KCNMA1: variants seen among roughly 807,000 people sequenced by gnomAD.
KCNMA1 encodes potassium calcium-activated channel subfamily M alpha 1.
Under a neutral mutation model 140.0 loss-of-function variants are expected in KCNMA1, and 29 were observed. The ratio of observed to expected loss-of-function variants is 0.21; its 90% CI spans 0.15 to 0.28. The LOEUF is 0.28. KCNMA1 is among the 10% of genes least tolerant of loss of function. The probability of loss-of-function intolerance (pLI) is 1.00; values close to 1 mark genes in which losing one functional copy is unlikely to be tolerated. For missense variants in KCNMA1, 880 were observed against 1,602.2 expected, an observed-to-expected ratio of 0.55 and a Z score of 7.70; for synonymous variants, 612 against 611.9, an observed-to-expected ratio of 1.00 and a Z score of 0.00.
chr10:76,909,611 T>G (rs1005583058), intron 25 of KCNMA1, among the ~76,000 whole-genome samples: 2 of 152,170 alleles, frequency 1.3e-5, no homozygotes, highest in South Asian at 2.1e-4. Context: ...GCATTTGCTT[T>G]CTTTCTTCTT....
Position 77,196,478 on chromosome 10 carries a change from C to T in KCNMA1, c.603-11562G>A, listed in dbSNP as rs892912780. On this transcript the variant is annotated intron_variant, in intron 3 of 27. Coordinates refer to ENST00000286628, the MANE Select transcript of KCNMA1 (RefSeq NM_001161352.2). ...TTACATTTAAGCTCCTTTCAAAAAG[C>T]GAAATGCTCCCATTCAAAGGATCTT... Among the ~76,000 whole-genome samples, 4 of 152,194 alleles carry T rather than the reference C, an allele frequency of 2.6e-5. No homozygotes were observed. In the East Asian group the frequency reaches 7.7e-4, roughly 29 times the overall value.
chr10:77,148,238 C>A (rs1244814230), intron 5 of KCNMA1: 1 of 152,172 alleles, frequency 6.6e-6, no homozygotes, highest in African/African-American at 2.4e-5. Flanking sequence ...CCTATAAAGC[C>A]AATTCAGAGA....
downstream of KCNMA1, chr10:76,873,115 G>C (rs1419722776): frequency 6.6e-6 from 1 of 152,032 alleles, no homozygotes; most frequent in Non-Finnish European, 1.5e-5. Context: ...GAGCATGTAG[G>C]CTTCTTTTTA....
intron 2 of KCNMA1, among the ~76,000 whole-genome samples, chr10:77,323,599 A>G (rs1328417439): frequency 6.6e-6 from 1 of 152,232 alleles, no homozygotes; most frequent in African/African-American, 2.4e-5. Flanking sequence ...GGTTCACCAC[A>G]TACCTATTGA....
At chr10:77,499,285 G>A (rs2042960710) in intron 1 of KCNMA1, among the ~76,000 whole-genome samples, 1 of 152,000 alleles carries the variant, frequency 6.6e-6, no homozygotes, top group South Asian at 2.1e-4. Flanking sequence ...AAAGATGACA[G>A]ATATAGAGGA....
At chr10:76,951,593 GTAGT>G (rs1383825883) in intron 21 of KCNMA1, among the ~76,000 whole-genome samples, 1 of 152,096 alleles carries the variant, frequency 6.6e-6, no homozygotes, top group African/African-American at 2.4e-5. Context: ...AATCCCCAAA[GTAGT>G]TAGTTTCCCG....
rs1001647722 is a variant in KCNMA1 at position 77,228,576 on chromosome 10, TC to T, written c.602+22618del. On this transcript the variant is annotated intron_variant, in intron 3 of 27. Coordinates refer to ENST00000286628, the MANE Select transcript of KCNMA1 (RefSeq NM_001161352.2). The stretch of plus-strand genomic sequence containing the variant: ...ACAACAGTTTTCTTCCTCCTCCGCT[TC>T]CCCAACACAAAGGTTAGTTTCTCTG... 6.6e-5 allele frequency among the ~76,000 whole-genome samples: 10 copies of T among 152,272 alleles called. 3 individuals carry two copies. The Middle Eastern group carries it at 0.02, about 311-fold the overall frequency.
chr10:77,538,961 C>T (rs78493336), intron 1 of KCNMA1, among the ~76,000 whole-genome samples: 2,470 of 152,274 alleles, frequency 0.016, 30 homozygotes, highest in Middle Eastern at 0.048. Context: ...ACATAGGTCC[C>T]CCCTCCTGCT....
chr10:77,473,000 C>T (rs1331096938), intron 1 of KCNMA1, among the ~76,000 whole-genome samples: 1 of 152,186 alleles, frequency 6.6e-6, no homozygotes, highest in Non-Finnish European at 1.5e-5. Flanking sequence ...CCCAGCGGGG[C>T]CACCCACCAG....
Position 77,166,772 on chromosome 10 carries a change from T to C in KCNMA1, c.808+16649A>G, listed in dbSNP as rs540174873. On this transcript the variant is annotated intron_variant, in intron 5 of 27. Transcript: ENST00000286628. ...AGAAGGAGGTAACTGCTAGTGGACA[T>C]TGAGAAGCTGTCAATACAGCAAGAC... Among the ~76,000 whole-genome samples, 4 of 152,224 alleles carry C rather than the reference T, an allele frequency of 2.6e-5. No individual in the cohort carries two copies. In the East Asian group the frequency reaches 7.7e-4, roughly 29 times the overall value.
At chr10:76,911,177 G>A (rs1427715070) in intron 24 of KCNMA1, 1 of 149,594 alleles carries the variant, frequency 6.7e-6, no homozygotes, top group Non-Finnish European at 1.5e-5. Context: ...TAATTTTTAA[G>A]CAACTTTCTT....
intron 2 of KCNMA1, among the ~76,000 whole-genome samples, chr10:77,390,636 T>C (rs1321845927): frequency 2.6e-5 from 4 of 152,200 alleles, no homozygotes; most frequent in Admixed American, 1.3e-4. Context: ...CCTGCTGATA[T>C]AATTAGCTCT....
chr10:77,271,516 T>C (rs972056054), intron 2 of KCNMA1, among the ~76,000 whole-genome samples: 10 of 152,202 alleles, frequency 6.6e-5, no homozygotes, highest in Non-Finnish European at 4.4e-5. Flanking sequence ...GCTCAGTTCC[T>C]GCCTCTGACA....
intron 2 of KCNMA1, among the ~76,000 whole-genome samples, chr10:77,252,677 T>G (rs2059909168): frequency 6.6e-6 from 1 of 152,080 alleles, no homozygotes; most frequent in Non-Finnish European, 1.5e-5. Flanking sequence ...AAATGAAATC[T>G]GCATGAGATA....
chr10:77,241,471 C>T (rs762124710), intron 3 of KCNMA1, among the ~76,000 whole-genome samples: 1 of 136,036 alleles, frequency 7.4e-6, no homozygotes, highest in Non-Finnish European at 1.5e-5. Context: ...CAGTGAGACC[C>T]CCCCATCTCT....
chr10:77,511,961 T>G lies in KCNMA1; in HGVS notation c.379-107938A>C, dbSNP rs186081452. ...TTTAGAGAATGGAACTTGGGCTGAT[T>G]GATAATGCCAAGGCAGCAGGGAGCT... On this transcript the variant is annotated intron_variant, in intron 1 of 27. Transcript: ENST00000286628. Among the ~76,000 whole-genome samples, 6 of 152,318 alleles carry G rather than the reference T, an allele frequency of 3.9e-5. No homozygotes were observed. In the East Asian group the frequency reaches 1.2e-3, roughly 29 times the overall value.
intron 1 of KCNMA1, among the ~76,000 whole-genome samples, chr10:77,587,403 T>C (rs1373683848): frequency 3.3e-5 from 5 of 152,172 alleles, no homozygotes; most frequent in Admixed American, 3.3e-4. Context: ...CAAAACTCTT[T>C]ATACAAGCTA....
intron 1 of KCNMA1, among the ~76,000 whole-genome samples, chr10:77,568,462 A>C (rs1480094692): frequency 4.6e-5 from 7 of 152,336 alleles, no homozygotes; most frequent in Admixed American, 2.6e-4. Flanking sequence ...TCCAGCATAT[A>C]AACAGAACCA....
intron 1 of KCNMA1, among the ~76,000 whole-genome samples, chr10:77,541,169 A>G (rs755674474): frequency 3.3e-5 from 5 of 152,160 alleles, no homozygotes; most frequent in African/African-American, 4.8e-5. Flanking sequence ...AAAAACTCAC[A>G]TATTGTATCA....
Sources: allele counts gnomAD v4.1 joint callset (sites outside exome capture counted in the v4.1 genomes callset), GRCh38; gene constraint gnomAD v4.1.1; transcripts MANE v1.5; gene names NCBI Gene and HGNC (gene_info 2026-07-23, HGNC 2026-07-21).